The following CNTN5 variants were observed in gnomAD, a reference collection of about 807,000 sequenced individuals.
CNTN5 encodes the protein contactin 5.
In CNTN5, 77 loss-of-function variants were observed where a neutral mutation model predicts 129.1. The ratio of observed to expected loss-of-function variants is 0.60; its 90% CI spans 0.50 to 0.72. CNTN5 has a LOEUF of 0.72. Ranked by LOEUF, CNTN5 falls within the 30% of genes least tolerant of loss-of-function variation. CNTN5 has a pLI of 0.00. For synonymous variants in CNTN5, 509 were observed against 465.6 expected (o/e 1.09, Z -1.20); for missense variants, 1,478 against 1,328.8 (o/e 1.11, Z -1.75).
chr11:99,348,975 C>A (rs1474590350), intron 2 of CNTN5, among the ~76,000 whole-genome samples: 2 of 152,284 alleles, frequency 1.3e-5, no homozygotes, highest in Admixed American at 6.5e-5. Flanking sequence ...AAACAAGCAA[C>A]AAAGATCCCT....
intron 1 of CNTN5, among the ~76,000 whole-genome samples, chr11:99,267,696 A>G (rs769517143): frequency 6.6e-6 from 1 of 151,988 alleles, no homozygotes; most frequent in Non-Finnish European, 1.5e-5. Flanking sequence ...CATAAAATCA[A>G]TGAAAAACAT....
At chr11:99,142,475 G>T (rs34154336) in intron 1 of CNTN5, among the ~76,000 whole-genome samples, 1 of 152,086 alleles carries the variant, frequency 6.6e-6, no homozygotes, top group African/African-American at 2.4e-5. Flanking sequence ...TGCTGGTGTA[G>T]GAGCTATGGT....
At chr11:99,370,767 G>A (rs762449838) in intron 2 of CNTN5, among the ~76,000 whole-genome samples, 1 of 152,166 alleles carries the variant, frequency 6.6e-6, no homozygotes, top group Non-Finnish European at 1.5e-5. Flanking sequence ...GTTATATTTG[G>A]TCAGGTCCAG....
intron 1 of CNTN5, among the ~76,000 whole-genome samples, chr11:99,311,948 T>G (rs545615032): frequency 1.3e-5 from 2 of 152,298 alleles, no homozygotes; most frequent in Admixed American, 6.5e-5. Flanking sequence ...TTGCAGACTT[T>G]TATACCTCCT....
intron 1 of CNTN5, among the ~76,000 whole-genome samples, chr11:99,087,665 C>T (rs910240316): frequency 3.3e-5 from 5 of 152,266 alleles, no homozygotes; most frequent in South Asian, 2.1e-4. Context: ...TTTGTCTTTT[C>T]TAATAATAAA....
At chr11:99,874,187 T>G (rs917450288) in intron 6 of CNTN5, among the ~76,000 whole-genome samples, 1 of 152,144 alleles carries the variant, frequency 6.6e-6, no homozygotes, top group Non-Finnish European at 1.5e-5. Flanking sequence ...CAAGCACATG[T>G]AGCTCCCGAA....
At chr11:99,944,209 C>G (rs1950506777) in intron 7 of CNTN5, among the ~76,000 whole-genome samples, 1 of 151,690 alleles carries the variant, frequency 6.6e-6, no homozygotes, top group Non-Finnish European at 1.5e-5. Flanking sequence ...CACTAAATGC[C>G]CATATGAGAA....
chr11:100,285,899 G>A lies in CNTN5; in HGVS notation c.2315-11726G>A, dbSNP rs960745682. ...AGTGGGCGCAGGTCAGTGGGTGCGC[G>A]CACCGTGCGCGAGCCGAAGCAGGGC... On this transcript the variant is annotated intron_variant, in intron 18 of 24. Coordinates refer to ENST00000524871, the MANE Select transcript of CNTN5 (RefSeq NM_014361.4). Among the ~76,000 whole-genome samples the A allele has an allele frequency of 9.8e-5, 15 of 152,320 alleles. No individual in the cohort carries two copies. In the East Asian group the frequency reaches 1.4e-3, roughly 14 times the overall value.
intron 6 of CNTN5, among the ~76,000 whole-genome samples, chr11:99,858,152 A>C (rs564637159): frequency 6.6e-6 from 1 of 152,158 alleles, no homozygotes; most frequent in Non-Finnish European, 1.5e-5. Flanking sequence ...TAGGTGGATG[A>C]ATTTAGAGAA....
At chr11:99,854,362 G>A (rs909161159) in intron 6 of CNTN5, among the ~76,000 whole-genome samples, 1 of 152,158 alleles carries the variant, frequency 6.6e-6, no homozygotes, top group Non-Finnish European at 1.5e-5. Flanking sequence ...GTATACAGAG[G>A]ACACCAAAGA....
chr11:99,502,735 C>A (rs191972594), intron 2 of CNTN5, among the ~76,000 whole-genome samples: 9 of 152,278 alleles, frequency 5.9e-5, no homozygotes, highest in African/African-American at 2.2e-4. Flanking sequence ...CACAGTTATG[C>A]TCTAGGTCCC....
At chr11:99,710,742 G>A (rs1954952508) in intron 3 of CNTN5, among the ~76,000 whole-genome samples, 1 of 151,694 alleles carries the variant, frequency 6.6e-6, no homozygotes, top group Non-Finnish European at 1.5e-5. Flanking sequence ...CCTCCAAATT[G>A]GTGAGATATT....
At chr11:99,750,976 A>C (rs1309365946) in intron 3 of CNTN5, among the ~76,000 whole-genome samples, 1 of 152,194 alleles carries the variant, frequency 6.6e-6, no homozygotes, top group Admixed American at 6.6e-5. Context: ...TGGTCTTTCA[A>C]TTAATTAACC....
chr11:100,339,922 C>T (rs1302239414), intron 21 of CNTN5, among the ~76,000 whole-genome samples: 1 of 152,144 alleles, frequency 6.6e-6, no homozygotes, highest in Non-Finnish European at 1.5e-5. Flanking sequence ...CCTCCCTCCA[C>T]CCTCCCTACC....
intron 21 of CNTN5, among the ~76,000 whole-genome samples, chr11:100,310,378 TTA>T (rs1453548825): frequency 1.3e-5 from 2 of 151,878 alleles, no homozygotes; most frequent in Non-Finnish European, 2.9e-5. Flanking sequence ...CAGATAACCA[TTA>T]TGATTCACCG....
chr11:99,434,488 A>T (rs542643630), intron 2 of CNTN5, among the ~76,000 whole-genome samples: 3 of 152,140 alleles, frequency 2.0e-5, no homozygotes, highest in African/African-American at 7.2e-5. Flanking sequence ...TGCAACAGCA[A>T]GTAAGATGCA....
intron 1 of CNTN5, among the ~76,000 whole-genome samples, chr11:99,156,417 A>G (rs1860337641): frequency 6.6e-6 from 1 of 152,040 alleles, no homozygotes; most frequent in Non-Finnish European, 1.5e-5. Context: ...CATTTTAAAG[A>G]AGGTGCACAG....
intron 1 of CNTN5, among the ~76,000 whole-genome samples, chr11:99,167,373 G>A (rs1381399336): frequency 2.0e-5 from 3 of 152,034 alleles, no homozygotes; most frequent in Non-Finnish European, 4.4e-5. Flanking sequence ...AGGCTGGTAT[G>A]TAAAAAAGTA....
At chr11:100,014,071 A>C (rs1054503271) in intron 9 of CNTN5, among the ~76,000 whole-genome samples, 6 of 152,190 alleles carry the variant, frequency 3.9e-5, no homozygotes, top group African/African-American at 1.4e-4. Context: ...TGCAGTTCTT[A>C]GAATGATTTC....
Sources: allele counts gnomAD v4.1 joint callset (sites outside exome capture counted in the v4.1 genomes callset), GRCh38; gene constraint gnomAD v4.1.1; transcripts MANE v1.5; gene names NCBI Gene and HGNC (gene_info 2026-07-23, HGNC 2026-07-21).